PDE6C: variants seen among roughly 807,000 people sequenced by gnomAD.
PDE6C encodes phosphodiesterase 6C.
Under a neutral mutation model 113.1 loss-of-function variants are expected in PDE6C, and 75 were observed. The ratio of observed to expected loss-of-function variants is 0.66; its 90% CI spans 0.55 to 0.80. PDE6C has a LOEUF of 0.80. Among genes scored for constraint, PDE6C ranks in the 30% least tolerant of loss-of-function variants. The pLI, the probability that PDE6C is intolerant of heterozygous loss-of-function variation, is 0.00. For synonymous variants in PDE6C, 375 were observed against 363.7 expected (o/e 1.03, Z -0.35); for missense variants, 912 against 1,038.6 (o/e 0.88, Z 1.67).
Position 93,659,017 on chromosome 10 carries a change from T to C in PDE6C, c.2144+9T>C. 2 of 1,574,970 alleles carry C rather than the reference T, an allele frequency of 1.3e-6. No individual in the cohort carries two copies. Among genetic ancestry groups the C allele is most frequent in the Non-Finnish European group, 1.7e-6 (2 of 1,144,674 alleles). On this transcript the variant is annotated intron_variant, in intron 17 of 21. Transcript: ENST00000371447. ...AAGAAAGAGATTATCATGTAGGTAG[T>C]TGAAATTGTATTTCTCTCTTGTTTT...
intron 8 of PDE6C, among the ~76,000 whole-genome samples, chr10:93,631,875 G>C (rs76436885): frequency 0.027 from 4,066 of 152,338 alleles, 71 homozygotes; most frequent in Middle Eastern, 0.071. Context: ...ATTTCCTATT[G>C]CTGCTGTCAC....
chr10:93,662,767 A>G, intron 20 of PDE6C, 124 bp downstream of exon 20: 1 of 692,808 alleles, frequency 1.4e-6, no homozygotes, highest in South Asian at 1.7e-5. Flanking sequence ...TGTTTCTCCA[A>G]AGCAGTTTGA....
chr10:93,662,120 A>T lies in PDE6C; in HGVS notation c.2270A>T (p.Gln757Leu). ...EQGDLERTVLQQQPIPMMDRN... is the reference protein window; with the variant it reads ...EQGDLERTVLLQQPIPMMDRN... ...GGAGATCTGGAGAGAACAGTGTTGCAGCAACAACCCATTGTAAGACCTTGA... is the reference window on the plus strand; with the variant it reads ...GGAGATCTGGAGAGAACAGTGTTGCTGCAACAACCCATTGTAAGACCTTGA... Residue 757 changes from glutamine to leucine, a missense_variant, in exon 19 of 22, where the codon CAG becomes CTG. Coordinates refer to ENST00000371447, the MANE Select transcript of PDE6C (RefSeq NM_006204.4). 6.2e-7 allele frequency: 1 copy of T among 1,602,940 alleles called. No individual in the cohort carries two copies. Among genetic ancestry groups the T allele is most frequent in the Non-Finnish European group, 8.5e-7 (1 of 1,169,914 alleles).
chr10:93,622,381 C>A (rs1174027906), intron 4 of PDE6C, among the ~76,000 whole-genome samples: 1 of 151,920 alleles, frequency 6.6e-6, no homozygotes, highest in Non-Finnish European at 1.5e-5. Flanking sequence ...CCCTCCCAAT[C>A]TCCTCTCCCA....
chr10:93,617,490 C>T (rs1288869287), intron 1 of PDE6C, among the ~76,000 whole-genome samples: 1 of 152,148 alleles, frequency 6.6e-6, no homozygotes. Context: ...AGAAGTGCTG[C>T]CAGCTAAGCA....
intron 15 of PDE6C, among the ~76,000 whole-genome samples, chr10:93,654,810 C>CTTTCTTTCTTTCTTTT (rs1554891606): frequency 1.3e-5 from 1 of 77,116 alleles, no homozygotes; most frequent in Non-Finnish European, 2.5e-5. Flanking sequence ...TTCTTTCTTT[C>CTTTCTTTCTTTCTTTT]TTTTTTTTTT....
chr10:93,623,990 G>A (rs1207398544), intron 4 of PDE6C, among the ~76,000 whole-genome samples: 1 of 151,866 alleles, frequency 6.6e-6, no homozygotes, highest in Non-Finnish European at 1.5e-5. Context: ...GTGAGAATTA[G>A]AGATTTTATA....
intron 15 of PDE6C, among the ~76,000 whole-genome samples, chr10:93,652,488 A>G (rs2058613700): frequency 6.6e-6 from 1 of 152,244 alleles, no homozygotes; most frequent in Non-Finnish European, 1.5e-5. Flanking sequence ...TGAAATGCAG[A>G]TATGTAGTGC....
At chr10:93,637,318 C>A (rs1251005009) in intron 11 of PDE6C, among the ~76,000 whole-genome samples, 1 of 152,156 alleles carries the variant, frequency 6.6e-6, no homozygotes, top group African/African-American at 2.4e-5. Flanking sequence ...GCTTAGGGGA[C>A]TTCAGGCACA....
chr10:93,665,259 AATT>A, intron 21 of PDE6C, 98 bp from the exon 22 acceptor site: 1 of 898,554 alleles, frequency 1.1e-6, no homozygotes, highest in Non-Finnish European at 1.9e-6. Flanking sequence ...TAAAATGACT[AATT>A]AGTCTACAAA....
chr10:93,629,863 T>A (rs987945614), intron 8 of PDE6C, among the ~76,000 whole-genome samples: 6 of 152,108 alleles, frequency 3.9e-5, no homozygotes, highest in African/African-American at 1.4e-4. Flanking sequence ...GAGTACCCAC[T>A]GCTCTCCTCC....
chr10:93,623,860 G>A (rs2058460008), intron 4 of PDE6C, among the ~76,000 whole-genome samples: 1 of 152,088 alleles, frequency 6.6e-6, no homozygotes, highest in South Asian at 2.1e-4. Context: ...CAGCTTCATG[G>A]CAAATCTTAA....
At chr10:93,647,128 G>A (rs1480749617) in intron 15 of PDE6C, among the ~76,000 whole-genome samples, 1 of 152,120 alleles carries the variant, frequency 6.6e-6, no homozygotes, top group Non-Finnish European at 1.5e-5. Context: ...ATGGGCCTGT[G>A]GAAAGTTGTG....
chr10:93,637,175 C>T (rs986175758), intron 11 of PDE6C, 112 bp downstream of exon 11: 4 of 682,048 alleles, frequency 5.9e-6, no homozygotes, highest in Non-Finnish European at 1.1e-5. Flanking sequence ...TTTCTCTTTC[C>T]TGATATTTCT....
chr10:93,653,736 G>T (rs2058620477), intron 15 of PDE6C, among the ~76,000 whole-genome samples: 1 of 151,654 alleles, frequency 6.6e-6, no homozygotes, highest in African/African-American at 2.4e-5. Context: ...AATTTAGACT[G>T]GTCAACACCC....
chr10:93,620,507 C>G, intron 1 of PDE6C, 125 bp from the exon 2 acceptor site: 1 of 949,722 alleles, frequency 1.1e-6, no homozygotes. Context: ...CTGGGGACCA[C>G]TGTACTGGAG....
chr10:93,636,373 T>TGG (rs1554890062), intron 10 of PDE6C, among the ~76,000 whole-genome samples: 1 of 140,890 alleles, frequency 7.1e-6, no homozygotes, highest in Non-Finnish European at 1.5e-5. Flanking sequence ...TGGCTTTGTG[T>TGG]GTGTGTGTGT....
rs776912070 is a variant in PDE6C at position 93,659,118 on chromosome 10, C to T, written c.2159C>T (p.Thr720Met). 33 of 1,610,554 alleles carry T rather than the reference C, an allele frequency of 2.0e-5. No individual in the cohort carries two copies. Among genetic ancestry groups the T allele is most frequent in the African/African-American group, 8.0e-5 (6 of 74,764 alleles). The change falls in exon 18 of 22, where the codon ACG becomes ATG. Residue 720 changes from threonine to methionine, a missense_variant. Thr to Met is a moderately conservative substitution (Grantham distance 81). Transcript: ENST00000371447. Reference sequence around the variant, plus strand: ...TTCTTCCTAAGGGCAATGATGATGACGGCATGTGACTTGTCTGCTATTACC... The same window carrying T: ...TTCTTCCTAAGGGCAATGATGATGATGGCATGTGACTTGTCTGCTATTACC... ...KKEIIMAMMM[T>M]ACDLSAITKP... is the part of the protein sequence containing the mutation.
At position 93,620,710 on chromosome 10, in the gene PDE6C, G is replaced by A. The variant is rs369094542; in HGVS notation, c.559G>A (p.Gly187Ser). ...KNLLATPIVV[G>S]KEVLAVIMAV... Reference sequence around the variant, plus strand: ...CCTGCTGGCAACCCCGATCGTGGTGGGCAAGGAGGTTCTTGCTGTGATCAT... The same window carrying A: ...CCTGCTGGCAACCCCGATCGTGGTGAGCAAGGAGGTTCTTGCTGTGATCAT... The change falls in exon 2 of 22, where the codon GGC (glycine) becomes AGC (serine). Residue 187 changes from glycine to serine, a missense_variant. By Grantham distance (56) the Gly-to-Ser change is moderately conservative. Coordinates refer to ENST00000371447, the MANE Select transcript of PDE6C (RefSeq NM_006204.4). 7 of 1,613,942 alleles carry A rather than the reference G, an allele frequency of 4.3e-6. No homozygotes were observed. The highest frequency in any genetic ancestry group is 3.3e-5 in the South Asian group (3 of 91,076).
Sources: gnomAD v4.1 joint callset for allele counts (sites outside exome capture counted in the v4.1 genomes callset) on GRCh38, gnomAD v4.1.1 for gene constraint, MANE v1.5 for transcripts, NCBI Gene and HGNC (gene_info 2026-07-23, HGNC 2026-07-21) for gene names.